The following PREP variants were observed in gnomAD, a reference collection of about 807,000 sequenced individuals.
PREP encodes prolyl endopeptidase, also known as dJ355L5.1 (prolyl endopeptidase).
Under a neutral mutation model 87.6 loss-of-function variants are expected in PREP, and 29 were observed. The observed-to-expected ratio is 0.33, with a 90% CI of 0.25 to 0.45. PREP has a LOEUF of 0.45. Among genes scored for constraint, PREP ranks in the 20% least tolerant of loss-of-function variants. PREP has a pLI of 1.00. For missense variants in PREP, 695 were observed against 886.5 expected (o/e 0.78, Z 2.74); for synonymous variants, 337 against 328.6 (o/e 1.03, Z -0.28).
At chr6:105,401,046 T>C (rs1158943620) in intron 1 of PREP, among the ~76,000 whole-genome samples, 1 of 152,212 alleles carries the variant, frequency 6.6e-6, no homozygotes, top group Non-Finnish European at 1.5e-5. Flanking sequence ...TACATTCCCT[T>C]GGCCACGAGG....
At chr6:105,302,599 G>C (rs181054894) in intron 10 of PREP, 21 of 437,152 alleles carry the variant, frequency 4.8e-5, no homozygotes, top group Non-Finnish European at 9.0e-5. Context: ...TGTACCTCTT[G>C]CCCTTGTAGA....
At chr6:105,289,649 A>C (rs764078227) in intron 10 of PREP, among the ~76,000 whole-genome samples, 2 of 152,234 alleles carry the variant, frequency 1.3e-5, no homozygotes, top group Admixed American at 6.5e-5. Flanking sequence ...GGGAACATTA[A>C]AAGCTAGTCA....
chr6:105,357,566 GT>G (rs1772132715), intron 6 of PREP, among the ~76,000 whole-genome samples: 1 of 152,134 alleles, frequency 6.6e-6, no homozygotes, highest in South Asian at 2.1e-4. Context: ...TGAAAACAAC[GT>G]TGCATTTTCA....
At chr6:105,298,102 C>A (rs1583041477) in intron 10 of PREP, 2 of 152,320 alleles carry the variant, frequency 1.3e-5, no homozygotes, top group East Asian at 3.9e-4. Flanking sequence ...TTTTCTTCTT[C>A]TTTAAACGTT....
chr6:105,354,337 T>G (rs1019196512), intron 6 of PREP, among the ~76,000 whole-genome samples: 10 of 152,210 alleles, frequency 6.6e-5, no homozygotes, highest in African/African-American at 2.4e-4. Flanking sequence ...ATGCACATAT[T>G]CAACTTTATG....
chr6:105,357,470 A>G (rs1017425038), intron 6 of PREP, among the ~76,000 whole-genome samples: 3 of 152,220 alleles, frequency 2.0e-5, no homozygotes, highest in African/African-American at 4.8e-5. Flanking sequence ...CATTGCTGTT[A>G]TAACGCCAAT....
intron 1 of PREP, 76 bp downstream of exon 1, chr6:105,402,771 A>C: frequency 3.7e-6 from 5 of 1,360,896 alleles, no homozygotes; most frequent in Middle Eastern, 1.8e-4. Context: ...CAGGAAGAGG[A>C]GCTGCGGGTG....
intron 8 of PREP, among the ~76,000 whole-genome samples, chr6:105,332,601 T>A (rs188418474): frequency 5.3e-5 from 8 of 152,198 alleles, no homozygotes; most frequent in Admixed American, 4.6e-4. Context: ...AGTAACCTCA[T>A]TGGCCTAATA....
intron 7 of PREP, among the ~76,000 whole-genome samples, chr6:105,352,292 T>C (rs1462629272): frequency 1.3e-5 from 2 of 152,188 alleles, no homozygotes; most frequent in East Asian, 3.8e-4. Flanking sequence ...TGCTTGATGA[T>C]AGTGCTGGTA....
intron 7 of PREP, among the ~76,000 whole-genome samples, chr6:105,333,948 C>T (rs552109643): frequency 1.4e-4 from 22 of 152,228 alleles, no homozygotes; most frequent in African/African-American, 5.1e-4. Flanking sequence ...TCGGCTGTCA[C>T]AACTTGAGGG....
At chr6:105,306,413 G>T (rs972199303) in intron 10 of PREP, among the ~76,000 whole-genome samples, 4 of 152,092 alleles carry the variant, frequency 2.6e-5, no homozygotes. Context: ...TAGCACACAT[G>T]TCCTGGGCTG....
chr6:105,357,624 C>A (rs992062094), intron 6 of PREP, among the ~76,000 whole-genome samples: 3 of 152,154 alleles, frequency 2.0e-5, no homozygotes, highest in African/African-American at 2.4e-5. Flanking sequence ...GTCACTGTTG[C>A]CCCAAAATGT....
At position 105,290,414 on chromosome 6, in the gene PREP, C is replaced by T. The variant is rs117554933; in HGVS notation, c.1318-1520G>A. On this transcript the variant is annotated intron_variant, in intron 10 of 14. Transcript: ENST00000652536. ...CTCACATGATGCTACCTTCACTGTT[C>T]GAAAAATCATCTGTTCAAAAAACCG... is the stretch of plus-strand genomic sequence containing the variant. Among the ~76,000 whole-genome samples, 13 of 152,072 alleles carry T rather than the reference C, an allele frequency of 8.5e-5. No individual in the cohort carries two copies. The East Asian group carries it at 1.5e-3, about 18-fold the overall frequency.
At chr6:105,350,957 T>C (rs991248061) in intron 7 of PREP, among the ~76,000 whole-genome samples, 4 of 152,180 alleles carry the variant, frequency 2.6e-5, no homozygotes, top group Admixed American at 6.5e-5. Context: ...GTTATTCTCT[T>C]CATATTCTGC....
At chr6:105,358,781 G>A (rs1772167795) in intron 6 of PREP, among the ~76,000 whole-genome samples, 1 of 152,188 alleles carries the variant, frequency 6.6e-6, no homozygotes, top group East Asian at 1.9e-4. Flanking sequence ...TGGAATCAAG[G>A]TCGTCAATGA....
At chr6:105,303,182 A>T (rs148138322) in intron 10 of PREP, among the ~76,000 whole-genome samples, 20 of 152,256 alleles carry the variant, frequency 1.3e-4, no homozygotes, top group African/African-American at 4.8e-4. Flanking sequence ...CTCCTGGCTC[A>T]GCCTCCTGAG....
In PREP at chr6:105,384,252, A is replaced by C. The variant is rs117179442; in HGVS notation, c.121-6733T>G. Among the ~76,000 whole-genome samples the C allele has an allele frequency of 3.9e-5, 6 of 152,202 alleles. No homozygotes were observed. The East Asian group carries it at 9.7e-4, about 25-fold the overall frequency. ...GGCATGACTCACCCATCAGGGAGCC[A>C]GCCTCTTCCAGTCCTGCACTACTGA... On this transcript the variant is annotated intron_variant, in intron 2 of 14. Transcript: ENST00000652536.
At chr6:105,367,126 G>A (rs1772406689) in intron 6 of PREP, among the ~76,000 whole-genome samples, 1 of 151,982 alleles carries the variant, frequency 6.6e-6, no homozygotes, top group Non-Finnish European at 1.5e-5. Context: ...ACTTAAAAAT[G>A]GTTATAATGG....
At chr6:105,292,370 A>G (rs1770314047) in intron 10 of PREP, among the ~76,000 whole-genome samples, 1 of 152,106 alleles carries the variant, frequency 6.6e-6, no homozygotes, top group South Asian at 2.1e-4. Flanking sequence ...AACAACATTC[A>G]CCTCCTTGTA....
Sources: gnomAD v4.1 joint callset for allele counts (sites outside exome capture counted in the v4.1 genomes callset) on GRCh38, gnomAD v4.1.1 for gene constraint, MANE v1.5 for transcripts, NCBI Gene and HGNC (gene_info 2026-07-23, HGNC 2026-07-21) for gene names.